Variants in PTK2 observed in about 807,000 individuals in gnomAD.
PTK2 encodes protein tyrosine kinase 2.
In PTK2, 45 loss-of-function variants were observed where a neutral mutation model predicts 150.1. That is an observed-to-expected ratio of 0.30 (90% confidence interval 0.24 to 0.38). The LOEUF (loss-of-function observed/expected upper bound fraction) is 0.38. Ranked by LOEUF, PTK2 falls within the 10% of genes least tolerant of loss-of-function variation. The pLI, the probability that PTK2 is intolerant of heterozygous loss-of-function variation, is 1.00. For missense variants in PTK2, 919 were observed against 1,307.3 expected (o/e 0.70, Z 4.58); for synonymous variants, 432 against 449.2 (o/e 0.96, Z 0.48).
intron 8 of PTK2, among the ~76,000 whole-genome samples, chr8:140,829,602 T>C (rs1219254885): frequency 6.6e-6 from 1 of 152,154 alleles, no homozygotes; most frequent in Admixed American, 6.5e-5. Flanking sequence ...TTTCTCATAA[T>C]GAGTATCTTC....
At chr8:140,751,062 G>A (rs201843312) in intron 17 of PTK2, among the ~76,000 whole-genome samples, 1 of 151,918 alleles carries the variant, frequency 6.6e-6, no homozygotes. Flanking sequence ...AGCGAGACCC[G>A]AGACAGACAC....
At chr8:140,776,503 G>C (rs979547331) in intron 14 of PTK2, among the ~76,000 whole-genome samples, 2 of 152,184 alleles carry the variant, frequency 1.3e-5, no homozygotes, top group Non-Finnish European at 2.9e-5. Flanking sequence ...TATAAGTACA[G>C]AGTTTATTTG....
Position 140,769,558 on chromosome 8 carries a change from G to A in PTK2, c.1178-5268C>T, listed in dbSNP as rs1429121140. On this transcript the variant is annotated intron_variant, in intron 14 of 31. Transcript: ENST00000522684. ...ATTATCTCATAGCAGTAACACAAATGTGAAAATAAATATTACCGTCCCCAC... is the reference window on the plus strand; with the variant it reads ...ATTATCTCATAGCAGTAACACAAATATGAAAATAAATATTACCGTCCCCAC... 1.5e-6 allele frequency: 2 copies of A among 1,345,998 alleles called. No homozygotes were observed. The highest frequency in any genetic ancestry group is 3.8e-5 in the Admixed American group (2 of 52,230). 83.4% of individuals were successfully genotyped at this position (1,345,998 alleles called of 1,614,324 possible).
chr8:140,751,498 CT>C (rs562902470), intron 17 of PTK2, among the ~76,000 whole-genome samples: 217 of 144,716 alleles, frequency 1.5e-3, no homozygotes, highest in Admixed American at 1.8e-3. Flanking sequence ...TTCTTTCTTT[CT>C]TTTTTTTTTT....
intron 13 of PTK2, among the ~76,000 whole-genome samples, chr8:140,791,366 T>G (rs1474109949): frequency 6.6e-6 from 1 of 152,160 alleles, no homozygotes; most frequent in South Asian, 2.1e-4. Context: ...AAATTATCCC[T>G]TAACTTCCCA....
At chr8:140,744,570 C>A in intron 19 of PTK2, 82 bp downstream of exon 22, 1 of 830,998 alleles carries the variant, frequency 1.2e-6, no homozygotes, top group Non-Finnish European at 1.9e-6. Flanking sequence ...CCAAAAGGGT[C>A]CAAAGACGGT....
intron 4 of PTK2, among the ~76,000 whole-genome samples, chr8:140,872,847 T>C (rs1198778585): frequency 1.3e-5 from 2 of 152,244 alleles, no homozygotes; most frequent in African/African-American, 2.4e-5. Context: ...ACTTTTTTAA[T>C]TGAGGTAAAA....
chr8:140,929,494 T>C (rs73714788), intron 1 of PTK2, among the ~76,000 whole-genome samples: 4,967 of 152,224 alleles, frequency 0.033, 277 homozygotes, highest in African/African-American at 0.11. Flanking sequence ...TTTATGTGTG[T>C]GTGTTTTAAA....
intron 23 of PTK2, among the ~76,000 whole-genome samples, chr8:140,716,785 C>G (rs2100039937): frequency 6.6e-6 from 1 of 152,144 alleles, no homozygotes; most frequent in Admixed American, 6.5e-5. Flanking sequence ...TTAATAACTA[C>G]TAACTACAAA....
At chr8:140,674,207 C>T (rs558827517) in intron 29 of PTK2, 91 bp downstream of exon 32, 1 of 1,285,316 alleles carries the variant, frequency 7.8e-7, no homozygotes, top group East Asian at 2.3e-5. Context: ...TCAGCACCAA[C>T]TCCACTCTAT....
At chr8:140,989,041 T>A (rs1308321286) in intron 1 of PTK2, among the ~76,000 whole-genome samples, 1 of 151,882 alleles carries the variant, frequency 6.6e-6, no homozygotes, top group African/African-American at 2.4e-5. Flanking sequence ...AGGAAAAGAC[T>A]GATAAACTGG....
At chr8:140,667,561 A>C (rs947633936) in intron 30 of PTK2, among the ~76,000 whole-genome samples, 1 of 151,738 alleles carries the variant, frequency 6.6e-6, no homozygotes, top group African/African-American at 2.4e-5. Flanking sequence ...TCAGCCTCCC[A>C]AAGTTCTGGG....
chr8:140,793,607 T>C lies in PTK2; in HGVS notation c.1094-223A>G, dbSNP rs553161711. 2.0e-5 allele frequency among the ~76,000 whole-genome samples: 3 copies of C among 152,360 alleles called. No individual in the cohort carries two copies. The East Asian group carries it at 5.8e-4, about 29-fold the overall frequency. On this transcript the variant is annotated intron_variant, in intron 12 of 31. Coordinates refer to ENST00000522684, the Ensembl canonical transcript of PTK2. ...ATACAATTGTTTAAAGGGTACTGCC[T>C]AATCATAATAAAGAACTAAGATGCT...
intron 10 of PTK2, among the ~76,000 whole-genome samples, chr8:140,812,370 G>A (rs555303896): frequency 6.6e-6 from 1 of 152,304 alleles, no homozygotes; most frequent in South Asian, 2.1e-4. Context: ...TTGTTACCAT[G>A]AGACCTGCCT....
rs112884826 is a variant in PTK2 at position 140,668,513 on chromosome 8, A to T, written c.2710-89T>A. On this transcript the variant is annotated intron_variant, in intron 29 of 31. Transcript: ENST00000522684. The stretch of plus-strand genomic sequence containing the variant: ...AAGCTAGAGAGGGTCTTTACAAGAG[A>T]TCAAAGCAGATTGCAGAAGGTCATT... 4.2e-5 allele frequency: 58 copies of T among 1,396,602 alleles called. 1 individual carries two copies. The South Asian group carries it at 7.6e-4, about 18-fold the overall frequency. The allele number at this position is 1,396,602 out of a possible 1,614,324, so 86.5% of individuals were successfully genotyped here. A position where few individuals can be genotyped will look rare whatever the true frequency, so the allele number is the denominator to read the frequency against.
chr8:140,799,213 C>A (rs1166270889), intron 12 of PTK2: 1 of 152,290 alleles, frequency 6.6e-6, no homozygotes, highest in Non-Finnish European at 1.5e-5. Context: ...ACAACACTCA[C>A]ATGTACCTCC....
intron 1 of PTK2, among the ~76,000 whole-genome samples, chr8:140,960,974 C>CT (rs2100182973): frequency 6.6e-6 from 1 of 152,180 alleles, no homozygotes; most frequent in East Asian, 1.9e-4. Flanking sequence ...GAGCGAAACT[C>CT]TGTCTCAAAA....
At chr8:140,972,382 G>T (rs8180999) in intron 1 of PTK2, among the ~76,000 whole-genome samples, 1 of 151,796 alleles carries the variant, frequency 6.6e-6, no homozygotes, top group Non-Finnish European at 1.5e-5. Flanking sequence ...CACCTGCCTC[G>T]GCCTCCCGAG....
chr8:140,751,877 G>T (rs772458204), intron 17 of PTK2: 2 of 525,112 alleles, frequency 3.8e-6, no homozygotes, highest in Non-Finnish European at 7.6e-6. Flanking sequence ...CTCCATCAGG[G>T]CAGGGACTGT....
Sources: allele counts gnomAD v4.1 joint callset (sites outside exome capture counted in the v4.1 genomes callset), GRCh38; gene constraint gnomAD v4.1.1; transcripts MANE v1.5; gene names NCBI Gene and HGNC (gene_info 2026-07-23, HGNC 2026-07-21).